Variants in PPP1R12A observed in about 807,000 individuals in gnomAD.
The protein encoded by PPP1R12A is myosin binding subunit.
A neutral mutation model predicts 139.6 loss-of-function variants in PPP1R12A; 19 were observed. The observed-to-expected ratio is 0.14, with a 90% CI of 0.09 to 0.20. The LOEUF (loss-of-function observed/expected upper bound fraction) is 0.20, where lower values mean the gene tolerates loss of function less well. Ranked by LOEUF, PPP1R12A falls within the 10% of genes least tolerant of loss-of-function variation. The pLI, the probability that PPP1R12A is intolerant of heterozygous loss-of-function variation, is 1.00. For missense variants in PPP1R12A, 925 were observed against 1,211.5 expected (o/e 0.76, Z 3.51); for synonymous variants, 427 against 420.6 (o/e 1.02, Z -0.19).
intron 1 of PPP1R12A, among the ~76,000 whole-genome samples, chr12:79,916,004 A>C (rs574948118): frequency 1.3e-5 from 2 of 152,198 alleles, no homozygotes; most frequent in South Asian, 4.1e-4. Context: ...CCAAAAAGGA[A>C]GTAAAGATAG....
chr12:79,800,549 G>C (rs1375059398), intron 14 of PPP1R12A, among the ~76,000 whole-genome samples: 1 of 151,314 alleles, frequency 6.6e-6, no homozygotes, highest in East Asian at 1.9e-4. Flanking sequence ...TAGATTAGGG[G>C]GACTCAAAAG....
At chr12:79,902,169 T>C (rs1280285885) in intron 1 of PPP1R12A, among the ~76,000 whole-genome samples, 1 of 152,168 alleles carries the variant, frequency 6.6e-6, no homozygotes. Flanking sequence ...TCTCCAATTA[T>C]TTTAAGAGAG....
At chr12:79,925,292 G>A (rs926206498) in intron 1 of PPP1R12A, among the ~76,000 whole-genome samples, 1 of 152,044 alleles carries the variant, frequency 6.6e-6, no homozygotes, top group African/African-American at 2.4e-5. Context: ...AACAGTCCAT[G>A]AAAATATACT....
At chr12:79,901,894 T>G (rs1267405218) in intron 1 of PPP1R12A, among the ~76,000 whole-genome samples, 1 of 152,170 alleles carries the variant, frequency 6.6e-6, no homozygotes, top group Non-Finnish European at 1.5e-5. Flanking sequence ...GTTTCCCTTT[T>G]ACAAAACTTA....
chr12:79,794,098 T>TG (rs1244744988), intron 18 of PPP1R12A, among the ~76,000 whole-genome samples, 170 bp from the exon 19 acceptor site: 1 of 152,066 alleles, frequency 6.6e-6, no homozygotes, highest in Non-Finnish European at 1.5e-5. Flanking sequence ...AGTTGGGAGA[T>TG]GGAGTGGGAA....
upstream of PPP1R12A, chr12:79,935,294 G>A (rs927190626): frequency 4.8e-5 from 51 of 1,059,278 alleles, no homozygotes; most frequent in Non-Finnish European, 5.7e-5. Flanking sequence ...CTGCGGCGGT[G>A]GTGGCTGGGC....
intron 1 of PPP1R12A, among the ~76,000 whole-genome samples, chr12:79,918,560 C>T (rs1018394741): frequency 6.6e-6 from 1 of 152,152 alleles, no homozygotes; most frequent in Non-Finnish European, 1.5e-5. Flanking sequence ...GCATGCACAT[C>T]TTTAAATAAT....
At chr12:79,928,439 G>A (rs1049048202) in intron 1 of PPP1R12A, among the ~76,000 whole-genome samples, 1 of 152,152 alleles carries the variant, frequency 6.6e-6, no homozygotes, top group African/African-American at 2.4e-5. Flanking sequence ...GGGGTTGGGA[G>A]GGTTTTATTT....
At chr12:79,918,025 A>T (rs1887138990) in intron 1 of PPP1R12A, among the ~76,000 whole-genome samples, 1 of 152,034 alleles carries the variant, frequency 6.6e-6, no homozygotes, top group Non-Finnish European at 1.5e-5. Context: ...TCCTCCCCAT[A>T]CACCTCTGCC....
rs1228521728 is a variant in PPP1R12A at position 79,851,523 on chromosome 12, T to TC, written c.369-6104dup. ...AATCTGCTGTCATTCAAACTATTTATCCCCCCTCTGGTATAGTTTCTAATT... is the reference window on the plus strand; with the variant it reads ...AATCTGCTGTCATTCAAACTATTTATCCCCCCCTCTGGTATAGTTTCTAATT... On this transcript the variant is annotated intron_variant, in intron 2 of 24. Coordinates refer to ENST00000450142, the MANE Select transcript of PPP1R12A (RefSeq NM_002480.3). Among the ~76,000 whole-genome samples the TC allele has an allele frequency of 2.0e-5, 3 of 152,264 alleles. No individual in the cohort carries two copies. The East Asian group carries it at 5.8e-4, about 29-fold the overall frequency.
In PPP1R12A at chr12:79,806,143, C is replaced by T. The variant is rs902438794; in HGVS notation, c.1823+23G>A. The T allele has an allele frequency of 3.7e-6, 6 of 1,611,312 alleles. No homozygotes were observed. In the African/African-American group the frequency reaches 8.0e-5, roughly 22 times the overall value. ...TACATAAGCACACAGTAGACCTGAGCACAAAATGTATCTGTGACTTACCTG... is the reference window on the plus strand; with the variant it reads ...TACATAAGCACACAGTAGACCTGAGTACAAAATGTATCTGTGACTTACCTG... On this transcript the variant is annotated intron_variant, in intron 13 of 24. Transcript: ENST00000450142.
Position 79,795,701 on chromosome 12 carries a change from G to C in PPP1R12A, c.2520C>G (p.Ile840Met). 1 of 1,611,958 alleles carries C rather than the reference G, an allele frequency of 6.2e-7. No individual in the cohort carries two copies. Among genetic ancestry groups the C allele is most frequent in the Non-Finnish European group, 8.5e-7 (1 of 1,178,886 alleles). ...TCTCTCTTGGTCGTCGTCGTTCTCT[G>C]ATTGATTTAGGTTGTGATTTATCTT... ...EGEDKSQPKS[I>M]RERRRPREKR... Residue 840 changes from isoleucine to methionine, a missense_variant, in exon 18 of 25, where the codon ATC (isoleucine) becomes ATG (methionine). Physicochemically the swap from Ile to Met is conservative, Grantham distance 10. Coordinates refer to ENST00000450142, the MANE Select transcript of PPP1R12A (RefSeq NM_002480.3).
At position 79,807,231 on chromosome 12, in the gene PPP1R12A, A is replaced by C. The variant is rs1479893671; in HGVS notation, c.1650T>G (p.His550Gln). 3 of 1,508,870 alleles carry C rather than the reference A, an allele frequency of 2.0e-6. No homozygotes were observed. The highest frequency in any genetic ancestry group is 1.7e-4 in the Middle Eastern group (1 of 5,894). The allele number at this position is 1,508,870 out of a possible 1,614,324, so 93.5% of individuals were successfully genotyped here. A position where few individuals can be genotyped will look rare whatever the true frequency, so the allele number is the denominator to read the frequency against. The change falls in exon 12 of 25, where the codon CAT becomes CAG. Residue 550 changes from histidine (H) to glutamine (Q), a missense_variant. Around this residue, in one of 4 missense-constraint regions of PPP1R12A, gnomAD observed 403 missense variants for 463.7 expected, o/e 0.87. Transcript: ENST00000450142. ...NSSVNEGSTY[H>Q]KSCSFGRRQD... ...CTTAAGAATAGTATTATTACCTTTTATGATACGTTGATCCTTCATTAACTG... is the reference window on the plus strand; with the variant it reads ...CTTAAGAATAGTATTATTACCTTTTCTGATACGTTGATCCTTCATTAACTG...
chr12:79,798,485 T>C lies in PPP1R12A; in HGVS notation c.2091+9A>G. Reference sequence around the variant, plus strand: ...TGTAAGTTTTATATATTAATTACATTAACTATACCTGTGTTGATCTTCTAG... The same window carrying C: ...TGTAAGTTTTATATATTAATTACATCAACTATACCTGTGTTGATCTTCTAG... On this transcript the variant is annotated intron_variant, in intron 15 of 24. Transcript: ENST00000450142. 1 of 1,496,262 alleles carries C rather than the reference T, an allele frequency of 6.7e-7. No homozygotes were observed. The allele number at this position is 1,496,262 out of a possible 1,614,324, so 92.7% of individuals were successfully genotyped here.
At chr12:79,815,716 G>A (rs1177050581) in intron 9 of PPP1R12A, among the ~76,000 whole-genome samples, 3 of 152,126 alleles carry the variant, frequency 2.0e-5, no homozygotes, top group African/African-American at 7.2e-5. Context: ...GTTATAGGAT[G>A]ATTAACAGTC....
At chr12:79,817,277 T>G in intron 9 of PPP1R12A, 117 bp downstream of exon 9, 1 of 933,970 alleles carries the variant, frequency 1.1e-6, no homozygotes, top group Non-Finnish European at 1.5e-6. Flanking sequence ...ATTTATATTC[T>G]GAAATCTTAC....
intron 1 of PPP1R12A, among the ~76,000 whole-genome samples, chr12:79,910,277 C>T (rs1179029403): frequency 6.6e-6 from 1 of 151,914 alleles, no homozygotes; most frequent in African/African-American, 2.4e-5. Context: ...GTCAGGACTT[C>T]GAAACCAGCC....
chr12:79,836,461 CT>C (rs1335038435), intron 3 of PPP1R12A, among the ~76,000 whole-genome samples: 2 of 152,018 alleles, frequency 1.3e-5, no homozygotes, highest in Admixed American at 1.3e-4. Flanking sequence ...AAACCTACTT[CT>C]TTTATATTTA....
At chr12:79,904,844 G>A (rs1350045665) in intron 1 of PPP1R12A, among the ~76,000 whole-genome samples, 2 of 152,152 alleles carry the variant, frequency 1.3e-5, no homozygotes, top group Admixed American at 6.5e-5. Context: ...TGGTGTAGAA[G>A]TAAAGTGGAG....
Sources: allele counts gnomAD v4.1 joint callset (sites outside exome capture counted in the v4.1 genomes callset), GRCh38; gene constraint gnomAD v4.1.1; regional missense constraint gnomAD v4.1.1; transcripts MANE v1.5; gene names NCBI Gene and HGNC (gene_info 2026-07-23, HGNC 2026-07-21).